Variants in CFAP299 observed in about 807,000 individuals in gnomAD.
The protein encoded by CFAP299 is cilia and flagella associated protein 299.
A neutral mutation model predicts 27.0 loss-of-function variants in CFAP299; 21 were observed. The ratio of observed to expected loss-of-function variants is 0.78; its 90% CI spans 0.55 to 1.12. The LOEUF (loss-of-function observed/expected upper bound fraction) is 1.12, where lower values mean the gene tolerates loss of function less well. Among genes scored for constraint, CFAP299 ranks in the 50% most tolerant of loss-of-function variants. The pLI is 0.00. For synonymous variants in CFAP299, 104 were observed against 98.1 expected (o/e 1.06, Z -0.36); for missense variants, 310 against 276.6 (o/e 1.12, Z -0.86).
At chr4:80,708,982 G>A (rs996056650) in intron 3 of CFAP299, among the ~76,000 whole-genome samples, 5 of 152,034 alleles carry the variant, frequency 3.3e-5, no homozygotes, top group African/African-American at 1.2e-4. Context: ...CTTAAAAACA[G>A]CAAAAGTAAC....
chr4:80,647,085 A>G lies in CFAP299; in HGVS notation c.333+63902A>G, dbSNP rs140337346. ...AGATAGATACAGATAAGATTTAGAT[A>G]TAGATAAACCTCAAGTATTTTTACT... is the stretch of plus-strand genomic sequence containing the variant. On this transcript the variant is annotated intron_variant, in intron 3 of 5. Transcript: ENST00000358105. 2.4e-3 allele frequency among the ~76,000 whole-genome samples: 364 copies of G among 152,220 alleles called. 1 individual carries two copies. Among genetic ancestry groups the G allele is most frequent in the African/African-American group, 8.3e-3 (346 of 41,520 alleles).
intron 4 of CFAP299, among the ~76,000 whole-genome samples, chr4:80,891,778 T>TAAAA (rs1200985883): frequency 3.9e-5 from 1 of 25,576 alleles, no homozygotes; most frequent in African/African-American, 2.2e-4. Flanking sequence ...AAAAAAAAAT[T>TAAAA]AAAAAAAAAA....
At chr4:80,418,323 T>A (rs1727117842) in intron 2 of CFAP299, among the ~76,000 whole-genome samples, 1 of 152,172 alleles carries the variant, frequency 6.6e-6, no homozygotes, top group Admixed American at 6.6e-5. Context: ...ATATGTTTGC[T>A]ATTTCACCTA....
At chr4:80,799,786 A>T (rs1728232135) in intron 3 of CFAP299, among the ~76,000 whole-genome samples, 2 of 44,312 alleles carry the variant, frequency 4.5e-5, no homozygotes, top group African/African-American at 9.1e-5. Context: ...TATATATATT[A>T]TATATTATAT....
chr4:80,851,081 A>G (rs776084969), intron 3 of CFAP299, among the ~76,000 whole-genome samples: 22 of 152,128 alleles, frequency 1.4e-4, no homozygotes, highest in Non-Finnish European at 2.9e-4. Flanking sequence ...CTGATGTAGT[A>G]GACAGTAACA....
chr4:80,459,534 G>C (rs1173775742), intron 2 of CFAP299, among the ~76,000 whole-genome samples: 2 of 152,046 alleles, frequency 1.3e-5, no homozygotes, highest in Non-Finnish European at 2.9e-5. Flanking sequence ...TTTCACTCCT[G>C]CTCTAAAATT....
intron 2 of CFAP299, among the ~76,000 whole-genome samples, chr4:80,408,712 T>C (rs1022568038): frequency 2.0e-5 from 3 of 151,972 alleles, no homozygotes; most frequent in South Asian, 4.2e-4. Flanking sequence ...GTACTGCCAT[T>C]TGAGGAAATG....
At chr4:80,856,139 G>T (rs1731866788) in intron 3 of CFAP299, among the ~76,000 whole-genome samples, 1 of 151,658 alleles carries the variant, frequency 6.6e-6, no homozygotes, top group Admixed American at 6.6e-5. Context: ...GTTTTGATTT[G>T]CATTTCTCTG....
At chr4:80,920,147 T>C (rs1735973588) in intron 4 of CFAP299, among the ~76,000 whole-genome samples, 1 of 149,550 alleles carries the variant, frequency 6.7e-6, no homozygotes, top group East Asian at 1.9e-4. Flanking sequence ...ATAATCCTGA[T>C]GAGAACACTT....
At chr4:80,435,477 A>G (rs1728021034) in intron 2 of CFAP299, among the ~76,000 whole-genome samples, 1 of 152,218 alleles carries the variant, frequency 6.6e-6, no homozygotes, top group Non-Finnish European at 1.5e-5. Flanking sequence ...TGGATAAAGA[A>G]CAACAACATG....
intron 3 of CFAP299, among the ~76,000 whole-genome samples, chr4:80,697,897 A>G (rs956632653): frequency 6.6e-6 from 1 of 152,222 alleles, no homozygotes; most frequent in Non-Finnish European, 1.5e-5. Flanking sequence ...AGGTACATGT[A>G]TTAATTTTAA....
At chr4:80,482,100 C>G (rs1164188905) in intron 2 of CFAP299, among the ~76,000 whole-genome samples, 1 of 151,778 alleles carries the variant, frequency 6.6e-6, no homozygotes, top group Non-Finnish European at 1.5e-5. Context: ...GGCTCTATAA[C>G]TGCACAGGTG....
chr4:80,900,876 A>G (rs1193512735), intron 4 of CFAP299, among the ~76,000 whole-genome samples: 2 of 152,006 alleles, frequency 1.3e-5, no homozygotes, highest in East Asian at 1.9e-4. Context: ...TAATAATAAT[A>G]TATACCTTAG....
Position 80,934,797 on chromosome 4 carries a change from A to G in CFAP299, c.477-10013A>G, listed in dbSNP as rs190534321. On this transcript the variant is annotated intron_variant, in intron 4 of 5. Coordinates refer to ENST00000358105, the MANE Select transcript of CFAP299 (RefSeq NM_152770.3). The stretch of plus-strand genomic sequence containing the variant: ...TCTCTTTTTTAAATTAGTCTACTTA[A>G]GGTATGTCAACTTTATTTATCTTTT... Among the ~76,000 whole-genome samples, 756 of 151,994 alleles carry G rather than the reference A, an allele frequency of 5.0e-3. 9 individuals are homozygous for G. Among genetic ancestry groups the G allele is most frequent in the Non-Finnish European group, 5.5e-3 (376 of 67,890 alleles).
chr4:80,435,463 T>C (rs1237303760), intron 2 of CFAP299, among the ~76,000 whole-genome samples: 1 of 152,196 alleles, frequency 6.6e-6, no homozygotes, highest in Non-Finnish European at 1.5e-5. Context: ...TTGAGGGAAT[T>C]GTATGGATAA....
chr4:80,587,057 G>C (rs1241530537), intron 3 of CFAP299, among the ~76,000 whole-genome samples: 1 of 152,120 alleles, frequency 6.6e-6, no homozygotes, highest in African/African-American at 2.4e-5. Context: ...AGATTGCGTT[G>C]TATATGACCA....
chr4:80,707,459 T>C (rs2110033234), intron 3 of CFAP299, among the ~76,000 whole-genome samples: 1 of 152,108 alleles, frequency 6.6e-6, no homozygotes, highest in East Asian at 1.9e-4. Context: ...AAACCACCAC[T>C]GAGACCATAT....
intron 3 of CFAP299, among the ~76,000 whole-genome samples, chr4:80,843,995 C>A (rs1206048004): frequency 6.6e-6 from 1 of 152,064 alleles, no homozygotes; most frequent in Non-Finnish European, 1.5e-5. Flanking sequence ...TGAGTGAGAA[C>A]ATGCGGTGTT....
At chr4:80,599,474 A>G (rs576965862) in intron 3 of CFAP299, among the ~76,000 whole-genome samples, 69 of 152,268 alleles carry the variant, frequency 4.5e-4, no homozygotes, top group African/African-American at 1.6e-3. Context: ...TGGCAATGAC[A>G]GATAAGAATC....
Sources: allele counts gnomAD v4.1 joint callset (sites outside exome capture counted in the v4.1 genomes callset), GRCh38; gene constraint gnomAD v4.1.1; transcripts MANE v1.5; gene names NCBI Gene and HGNC (gene_info 2026-07-23, HGNC 2026-07-21).